CCDC91: variants seen among roughly 807,000 people sequenced by gnomAD.
CCDC91 encodes the protein coiled-coil domain containing 91.
A neutral mutation model predicts 63.2 loss-of-function variants in CCDC91; 48 were observed. The observed-to-expected ratio is 0.76, with a 90% CI of 0.60 to 0.97. CCDC91 has a LOEUF of 0.97. Among genes scored for constraint, CCDC91 ranks in the 50% least tolerant of loss-of-function variants. The pLI, the probability that CCDC91 is intolerant of heterozygous loss-of-function variation, is 0.00. For missense variants in CCDC91, 500 were observed against 494.6 expected (o/e 1.01, Z -0.10); for synonymous variants, 167 against 165.8 (o/e 1.01, Z -0.06).
At chr12:28,351,649 C>A (rs1258098133) in intron 6 of CCDC91, among the ~76,000 whole-genome samples, 1 of 151,520 alleles carries the variant, frequency 6.6e-6, no homozygotes, top group Non-Finnish European at 1.5e-5. Flanking sequence ...GCTTTGCAAC[C>A]GTAGATCTAA....
At chr12:28,267,976 A>G (rs1292776579) in intron 3 of CCDC91, among the ~76,000 whole-genome samples, 5 of 115,730 alleles carry the variant, frequency 4.3e-5, no homozygotes, top group Non-Finnish European at 6.6e-5. Flanking sequence ...TAATTAATAT[A>G]TACCCAATCT....
At chr12:28,379,977 A>G (rs1945190701) in intron 7 of CCDC91, among the ~76,000 whole-genome samples, 1 of 152,164 alleles carries the variant, frequency 6.6e-6, no homozygotes, top group African/African-American at 2.4e-5. Flanking sequence ...CATATACACA[A>G]TGGAATACTA....
At chr12:28,499,462 C>T (rs1408379211) in intron 12 of CCDC91, among the ~76,000 whole-genome samples, 1 of 151,590 alleles carries the variant, frequency 6.6e-6, no homozygotes, top group African/African-American at 2.4e-5. Context: ...ACCCATCAAC[C>T]TGTCATCTAT....
intron 11 of CCDC91, among the ~76,000 whole-genome samples, chr12:28,459,640 C>T (rs1256416441): frequency 6.6e-6 from 1 of 152,134 alleles, no homozygotes; most frequent in Non-Finnish European, 1.5e-5. Flanking sequence ...TTGGAAAATA[C>T]TCTGAGAGGT....
intron 6 of CCDC91, among the ~76,000 whole-genome samples, chr12:28,350,847 C>G (rs1943135223): frequency 6.6e-6 from 1 of 152,178 alleles, no homozygotes; most frequent in Admixed American, 6.6e-5. Flanking sequence ...ATATCCCTCT[C>G]TTTTCTCTTA....
At chr12:28,227,195 T>G (rs1329576187) in intron 1 of CCDC91, among the ~76,000 whole-genome samples, 2 of 152,108 alleles carry the variant, frequency 1.3e-5, no homozygotes, top group Non-Finnish European at 2.9e-5. Flanking sequence ...CACTGGAAAG[T>G]TATTCTTTTT....
chr12:28,400,315 G>A (rs574196455), intron 8 of CCDC91, among the ~76,000 whole-genome samples: 13 of 152,200 alleles, frequency 8.5e-5, no homozygotes, highest in African/African-American at 2.9e-4. Flanking sequence ...CTGGGATGCA[G>A]GGCACCATGT....
Position 28,259,407 on chromosome 12 carries a change from C to A in CCDC91, c.74C>A (p.Thr25Lys). ...GGTGGAAGTGGTGAAACCCAAACAA[C>A]ATCTCCTGCTATTCCTTGGGCTGCC... ...FDGGSGETQT[T>K]SPAIPWAAFP... Residue 25 changes from threonine (T) to lysine (K), a missense_variant, in exon 3 of 13, where the codon ACA becomes AAA. Coordinates refer to ENST00000536442, the MANE Select transcript of CCDC91 (RefSeq NM_018318.5). The A allele has an allele frequency of 4.3e-6, 7 of 1,610,202 alleles. No homozygotes were observed. Among genetic ancestry groups the A allele is most frequent in the Non-Finnish European group, 5.9e-6 (7 of 1,177,706 alleles).
At chr12:28,264,496 T>C (rs1438740377) in intron 3 of CCDC91, among the ~76,000 whole-genome samples, 2 of 151,216 alleles carry the variant, frequency 1.3e-5, no homozygotes, top group African/African-American at 4.8e-5. Context: ...CTTTTCAAAA[T>C]GAATGGCTAT....
At chr12:28,217,286 A>G (rs1288964371) in intron 1 of CCDC91, among the ~76,000 whole-genome samples, 1 of 152,166 alleles carries the variant, frequency 6.6e-6, no homozygotes, top group Non-Finnish European at 1.5e-5. Flanking sequence ...GAAAATTTTA[A>G]TTCATTATAT....
chr12:28,412,793 T>C, intron 8 of CCDC91: 1 of 453,860 alleles, frequency 2.2e-6, no homozygotes, highest in Non-Finnish European at 4.4e-6. Flanking sequence ...TGGCTGCTTT[T>C]AGAATCCTGC....
At chr12:28,514,844 CA>C (rs1939765335) in intron 12 of CCDC91, among the ~76,000 whole-genome samples, 1 of 151,364 alleles carries the variant, frequency 6.6e-6, no homozygotes, top group Admixed American at 6.6e-5. Flanking sequence ...TTCTTTGGAA[CA>C]ACAGATGCTG....
intron 8 of CCDC91, among the ~76,000 whole-genome samples, chr12:28,425,770 G>A (rs1948280440): frequency 6.6e-6 from 1 of 152,164 alleles, no homozygotes; most frequent in Admixed American, 6.5e-5. Context: ...TTCAGTATCA[G>A]CATCATCTGG....
intron 6 of CCDC91, among the ~76,000 whole-genome samples, chr12:28,350,567 T>C (rs1422170180): frequency 2.0e-5 from 3 of 152,208 alleles, no homozygotes; most frequent in Non-Finnish European, 4.4e-5. Flanking sequence ...AGTGGAAAAG[T>C]ACAGTGTTTG....
chr12:28,260,618 C>A (rs1946764008), intron 3 of CCDC91, among the ~76,000 whole-genome samples: 1 of 151,844 alleles, frequency 6.6e-6, no homozygotes, highest in Admixed American at 6.6e-5. Context: ...TGTCTACGTG[C>A]ACCTATTATC....
At chr12:28,506,282 G>A (rs1938703673) in intron 12 of CCDC91, among the ~76,000 whole-genome samples, 2 of 151,952 alleles carry the variant, frequency 1.3e-5, no homozygotes. Flanking sequence ...AGAGGCAGCA[G>A]CAGCCTTAAC....
At chr12:28,330,551 C>T (rs1413410980) in intron 6 of CCDC91, among the ~76,000 whole-genome samples, 1 of 151,788 alleles carries the variant, frequency 6.6e-6, no homozygotes, top group Non-Finnish European at 1.5e-5. Flanking sequence ...AATTTTCTTC[C>T]ATTCTGTAGG....
Position 28,464,492 on chromosome 12 carries a change from A to G in CCDC91, c.1101+11838A>G, listed in dbSNP as rs186111847. 2.2e-3 allele frequency among the ~76,000 whole-genome samples: 337 copies of G among 152,292 alleles called. 6 individuals are homozygous for G. The highest frequency in any genetic ancestry group is 7.6e-3 in the African/African-American group (316 of 41,556). ...GGGAGGACTTTGTCTTGCATCTTGG[A>G]TACTAGCTCAGCCACAGCAGGATAG... On this transcript the variant is annotated intron_variant, in intron 11 of 12. Coordinates refer to ENST00000536442, the MANE Select transcript of CCDC91 (RefSeq NM_018318.5).
rs372423288 is a variant in CCDC91 at position 28,389,065 on chromosome 12, C to T, written c.655-2239C>T. On this transcript the variant is annotated intron_variant, in intron 7 of 12. Coordinates refer to ENST00000536442, the MANE Select transcript of CCDC91 (RefSeq NM_018318.5). ...AGGAACAGTCAGCAGAGTAAACAGACGACCCACAGAGTGGGAGAAAATCTT... is the reference window on the plus strand; with the variant it reads ...AGGAACAGTCAGCAGAGTAAACAGATGACCCACAGAGTGGGAGAAAATCTT... 2.6e-4 allele frequency among the ~76,000 whole-genome samples: 40 copies of T among 152,252 alleles called. No individual in the cohort carries two copies. The South Asian group carries it at 5.4e-3, about 21-fold the overall frequency.
Sources: gnomAD v4.1 joint callset for allele counts (sites outside exome capture counted in the v4.1 genomes callset) on GRCh38, gnomAD v4.1.1 for gene constraint, MANE v1.5 for transcripts, NCBI Gene and HGNC (gene_info 2026-07-23, HGNC 2026-07-21) for gene names.